Variants in TTC7B observed in about 807,000 individuals in gnomAD.
TTC7B encodes the protein tetratricopeptide repeat protein 7B.
Under a neutral mutation model 106.8 loss-of-function variants are expected in TTC7B, and 28 were observed. The observed-to-expected ratio is 0.26, with a 90% CI of 0.19 to 0.36. TTC7B has a LOEUF of 0.36. TTC7B is among the 10% of genes least tolerant of loss of function. TTC7B has a pLI of 1.00. For missense variants in TTC7B, 862 were observed against 1,076.4 expected, an observed-to-expected ratio of 0.80 and a Z score of 2.79; for synonymous variants, 405 against 430.6, an observed-to-expected ratio of 0.94 and a Z score of 0.74.
intron 1 of TTC7B, among the ~76,000 whole-genome samples, chr14:90,789,853 G>A (rs1432151936): frequency 1.3e-5 from 2 of 149,886 alleles, no homozygotes; most frequent in Admixed American, 6.7e-5. Context: ...CGGAGATCGC[G>A]CCACTGCACT....
Position 90,719,137 on chromosome 14 carries a change from C to T in TTC7B, c.698+10938G>A, listed in dbSNP as rs114268914. Among the ~76,000 whole-genome samples, 1,345 of 152,086 alleles carry T rather than the reference C, an allele frequency of 8.8e-3. 21 individuals are homozygous for T. The highest frequency in any genetic ancestry group is 0.031 in the African/African-American group (1,290 of 41,476). On this transcript the variant is annotated intron_variant, in intron 5 of 19. Coordinates refer to ENST00000328459, the MANE Select transcript of TTC7B (RefSeq NM_001010854.2). ...ACAAAAAAACAAAAATTAGCTGGGC[C>T]TGGTGGCACGCACCTGCAGTCCCAG...
At chr14:90,561,072 G>A (rs138790324) in intron 19 of TTC7B, among the ~76,000 whole-genome samples, 211 of 152,306 alleles carry the variant, frequency 1.4e-3, no homozygotes, top group African/African-American at 4.8e-3. Context: ...GCTCACTTGC[G>A]CTTTGGTTCT....
chr14:90,744,680 C>G (rs1595342980), intron 4 of TTC7B, 112 bp downstream of exon 4: 2 of 1,150,010 alleles, frequency 1.7e-6, no homozygotes, highest in Non-Finnish European at 1.3e-6. Flanking sequence ...ACAAGTAAAG[C>G]TTTGCACACA....
intron 3 of TTC7B, among the ~76,000 whole-genome samples, chr14:90,762,641 A>G (rs572852594): frequency 6.6e-6 from 1 of 152,334 alleles, no homozygotes; most frequent in African/African-American, 2.4e-5. Context: ...TCCCTTGACT[A>G]TGACATGTAT....
intron 8 of TTC7B, chr14:90,677,877 G>A (rs1220946563): frequency 6.7e-6 from 3 of 444,718 alleles, no homozygotes; most frequent in East Asian, 7.2e-5. Flanking sequence ...TATAAGACAG[G>A]CCACTTCCTA....
At chr14:90,769,943 G>C (rs997557062) in intron 3 of TTC7B, among the ~76,000 whole-genome samples, 1 of 152,086 alleles carries the variant, frequency 6.6e-6, no homozygotes, top group Non-Finnish European at 1.5e-5. Flanking sequence ...GATACGAGGA[G>C]TTTGAGACCA....
At chr14:90,562,309 C>T (rs947191121) in intron 19 of TTC7B, among the ~76,000 whole-genome samples, 4 of 152,184 alleles carry the variant, frequency 2.6e-5, no homozygotes, top group African/African-American at 9.7e-5. Flanking sequence ...CCTGAGTCAG[C>T]CTCAAACCCT....
chr14:90,581,294 G>A (rs1331061829), intron 18 of TTC7B, among the ~76,000 whole-genome samples: 1 of 152,136 alleles, frequency 6.6e-6, no homozygotes, highest in African/African-American at 2.4e-5. Flanking sequence ...AACTCAGAAG[G>A]TAACTCCTGA....
chr14:90,789,908 A>C (rs1891525347), intron 1 of TTC7B, among the ~76,000 whole-genome samples: 1 of 144,436 alleles, frequency 6.9e-6, no homozygotes, highest in East Asian at 2.0e-4. Context: ...AAAAAAAAAA[A>C]AAAAATACTA....
intron 3 of TTC7B, chr14:90,766,822 G>A (rs1890696985): frequency 2.5e-6 from 4 of 1,593,332 alleles, no homozygotes; most frequent in Non-Finnish European, 2.6e-6. Context: ...ATATAGCCAG[G>A]TCCTAGCCAA....
intron 9 of TTC7B, among the ~76,000 whole-genome samples, chr14:90,672,336 A>G (rs1181340559): frequency 6.6e-6 from 1 of 152,236 alleles, no homozygotes; most frequent in Admixed American, 6.5e-5. Flanking sequence ...CACACGAGCC[A>G]CACGGTGATA....
intron 15 of TTC7B, among the ~76,000 whole-genome samples, 195 bp from the exon 16 acceptor site, chr14:90,618,240 C>T (rs1893169074): frequency 6.6e-6 from 1 of 152,218 alleles, no homozygotes; most frequent in Admixed American, 6.5e-5. Context: ...AGTCTCACCA[C>T]TAACGCAAAT....
At chr14:90,611,077 TTGGCCTCTTTTATGTCATTAGAAGACA>T in intron 16 of TTC7B, among the ~76,000 whole-genome samples, 1 of 152,324 alleles carries the variant, frequency 6.6e-6, no homozygotes, top group Middle Eastern at 3.4e-3. Context: ...CTGGCTAATT[TTGGCCTCTTTTATGTCATTAGAAGACA>T]CAAAAATGAA....
Position 90,740,494 on chromosome 14 carries a change from CTTTTTTTTTTTTT to C in TTC7B, c.576+4285_576+4297del, listed in dbSNP as rs71461924. Among the ~76,000 whole-genome samples, 49 of 78,346 alleles carry C rather than the reference CTTTTTTTTTTTTT, an allele frequency of 6.3e-4. No homozygotes were observed. The South Asian group carries it at 0.027, about 43-fold the overall frequency. 51.4% of individuals were successfully genotyped at this position (78,346 alleles called of 152,430 possible). A position where few individuals can be genotyped will look rare whatever the true frequency, so the allele number is the denominator to read the frequency against. On this transcript the variant is annotated intron_variant, in intron 4 of 19. Transcript: ENST00000328459. ...TAAACATTCCCCTGAAATTCTTTGA[CTTTTTTTTTTTTT>C]TTTTTTTTTTTTGAGATGGAGTCTC...
chr14:90,694,779 G>T (rs1887630489), intron 6 of TTC7B, among the ~76,000 whole-genome samples: 1 of 133,962 alleles, frequency 7.5e-6, no homozygotes, highest in Admixed American at 7.7e-5. Context: ...TATAAAATAT[G>T]TATATTTTAT....
At chr14:90,753,717 G>A (rs1010175075) in intron 3 of TTC7B, among the ~76,000 whole-genome samples, 1 of 152,216 alleles carries the variant, frequency 6.6e-6, no homozygotes, top group Non-Finnish European at 1.5e-5. Context: ...GCCACAGTTG[G>A]TCCCTTCTGA....
At position 90,808,608 on chromosome 14, in the gene TTC7B, G is replaced by A. The variant is rs146901050; in HGVS notation, c.121+7567C>T. Among the ~76,000 whole-genome samples, 160 of 152,278 alleles carry A rather than the reference G, an allele frequency of 1.1e-3. No homozygotes were observed. In the East Asian group the frequency reaches 0.011, roughly 11 times the overall value. On this transcript the variant is annotated intron_variant, in intron 1 of 19. Coordinates refer to ENST00000328459, the MANE Select transcript of TTC7B (RefSeq NM_001010854.2). This position sits in a 1 kb window ranked among gnomAD's most constrained non-coding sequence, Gnocchi z 4.2. ...CATTAGCTTTCCTGTGGCTGTGGCC[G>A]TCTTTCATATTTTATATGGCACCCA...
intron 4 of TTC7B, among the ~76,000 whole-genome samples, chr14:90,737,748 G>A (rs935083246): frequency 4.6e-5 from 7 of 151,840 alleles, no homozygotes; most frequent in Admixed American, 1.3e-4. Context: ...TAGTAGAGAC[G>A]GGGTTTCACC....
chr14:90,634,171 C>T (rs1884826650), intron 15 of TTC7B, among the ~76,000 whole-genome samples: 1 of 152,202 alleles, frequency 6.6e-6, no homozygotes, highest in African/African-American at 2.4e-5. Flanking sequence ...GCCACCGCGC[C>T]TGGCCCATTG....
Sources: allele counts gnomAD v4.1 joint callset (sites outside exome capture counted in the v4.1 genomes callset), GRCh38; gene constraint gnomAD v4.1.1; non-coding constraint Gnocchi (gnomAD v3.1); transcripts MANE v1.5; gene names NCBI Gene and HGNC (gene_info 2026-07-23, HGNC 2026-07-21).